The following LRBA variants were observed in gnomAD, a reference collection of about 807,000 sequenced individuals.
The protein encoded by LRBA is lipopolysaccharide-responsive and beige-like anchor protein.
LRBA carries 176 observed loss-of-function variants against 330.0 expected under a neutral mutation model. That is an observed-to-expected ratio of 0.53 (90% CI 0.47 to 0.60). LRBA has a LOEUF of 0.60. LRBA is among the 20% of genes least tolerant of loss of function. The pLI is 0.00. For missense variants in LRBA, 3,259 were observed against 3,444.8 expected, an observed-to-expected ratio of 0.95 and a Z score of 1.35; for synonymous variants, 1,230 against 1,193.0, an observed-to-expected ratio of 1.03 and a Z score of -0.64.
intron 53 of LRBA, among the ~76,000 whole-genome samples, chr4:150,297,954 G>A (rs1020205681): frequency 2.0e-5 from 3 of 152,008 alleles, no homozygotes; most frequent in Non-Finnish European, 4.4e-5. Flanking sequence ...TGACATTTGT[G>A]ACCCTTAAAT....
At chr4:150,634,956 T>G (rs1241202657) in intron 37 of LRBA, among the ~76,000 whole-genome samples, 1 of 152,184 alleles carries the variant, frequency 6.6e-6, no homozygotes, top group Admixed American at 6.5e-5. Context: ...ACAATTGAAG[T>G]TGACCTCTCA....
chr4:150,723,609 A>G (rs1729238326), intron 36 of LRBA, among the ~76,000 whole-genome samples: 1 of 152,216 alleles, frequency 6.6e-6, no homozygotes, highest in South Asian at 2.1e-4. Flanking sequence ...TACTAGCTTC[A>G]GGGGTGACCC....
intron 35 of LRBA, among the ~76,000 whole-genome samples, chr4:150,740,713 T>C (rs963689644): frequency 4.0e-5 from 6 of 151,500 alleles, no homozygotes; most frequent in Admixed American, 2.6e-4. Flanking sequence ...AAGGCTTGTA[T>C]TAAAGATATC....
intron 40 of LRBA, among the ~76,000 whole-genome samples, chr4:150,567,577 A>C (rs764572859): frequency 6.6e-6 from 1 of 152,144 alleles, no homozygotes; most frequent in African/African-American, 2.4e-5. Flanking sequence ...TTCTATACAG[A>C]TAGGGATAAT....
chr4:150,550,849 C>T (rs1766494724), intron 40 of LRBA, among the ~76,000 whole-genome samples: 1 of 152,142 alleles, frequency 6.6e-6, no homozygotes, highest in Admixed American at 6.5e-5. Flanking sequence ...TATATCAGGG[C>T]TTCCTCATAT....
intron 44 of LRBA, among the ~76,000 whole-genome samples, chr4:150,441,341 G>A (rs1314742744): frequency 6.6e-6 from 1 of 151,964 alleles, no homozygotes; most frequent in Admixed American, 6.6e-5. Flanking sequence ...ACTACTTTAA[G>A]AACATAATCA....
intron 37 of LRBA, among the ~76,000 whole-genome samples, chr4:150,610,706 A>G (rs924382707): frequency 6.6e-6 from 1 of 152,214 alleles, no homozygotes; most frequent in African/African-American, 2.4e-5. Flanking sequence ...GAAAATGAGT[A>G]GGCTAGTAAG....
intron 42 of LRBA, among the ~76,000 whole-genome samples, chr4:150,473,999 T>G (rs1042162703): frequency 6.6e-6 from 1 of 152,186 alleles, no homozygotes; most frequent in Non-Finnish European, 1.5e-5. Context: ...ATTTCTCAAT[T>G]TTTTCTTCTG....
At chr4:150,771,353 A>T (rs1736541573) in intron 34 of LRBA, among the ~76,000 whole-genome samples, 1 of 152,186 alleles carries the variant, frequency 6.6e-6, no homozygotes, top group Non-Finnish European at 1.5e-5. Context: ...ATTGCCACCT[A>T]CATTCAGTTC....
intron 37 of LRBA, among the ~76,000 whole-genome samples, chr4:150,671,068 G>C (rs57410129): frequency 3.3e-5 from 5 of 151,188 alleles, no homozygotes; most frequent in African/African-American, 1.2e-4. Context: ...GAGAGACAGA[G>C]AGAGAGATTA....
intron 35 of LRBA, among the ~76,000 whole-genome samples, chr4:150,742,266 C>G (rs1477392211): frequency 6.6e-6 from 1 of 151,576 alleles, no homozygotes; most frequent in East Asian, 1.9e-4. Context: ...CTACCTCAGC[C>G]TGCTGAGTAG....
chr4:150,316,732 G>C (rs1370848061), intron 50 of LRBA, among the ~76,000 whole-genome samples: 1 of 152,184 alleles, frequency 6.6e-6, no homozygotes, highest in Middle Eastern at 3.2e-3. Context: ...TCTTGACACT[G>C]TGGTGAGAAG....
At position 150,768,927 on chromosome 4, in the gene LRBA, CTTTTTTTTTTTTT is replaced by C. The variant is rs70941440; in HGVS notation, c.5581-7093_5581-7081del. On this transcript the variant is annotated intron_variant, in intron 34 of 56. Transcript: ENST00000651943. ...TAGGGATTTTATCAAGTGCTGTCTC[CTTTTTTTTTTTTT>C]TTTTTTTTTTTTTTTGAGACACAGT... is the stretch of plus-strand genomic sequence containing the variant. 5.3e-5 allele frequency among the ~76,000 whole-genome samples: 4 copies of C among 75,064 alleles called. No homozygotes were observed. In the East Asian group the frequency reaches 1.7e-3, roughly 32 times the overall value. The allele number at this position is 75,064 out of a possible 152,430, so 49.2% of individuals were successfully genotyped here.
chr4:150,487,264 TTA>T (rs995250230), intron 42 of LRBA, among the ~76,000 whole-genome samples: 12 of 150,684 alleles, frequency 8.0e-5, no homozygotes, highest in Admixed American at 2.0e-4. Context: ...ATGATATATA[TTA>T]TATATATATG....
chr4:150,769,168 C>T (rs1736198754), intron 34 of LRBA, among the ~76,000 whole-genome samples: 1 of 151,962 alleles, frequency 6.6e-6, no homozygotes, highest in South Asian at 2.1e-4. Context: ...TGGTCTCGAA[C>T]TCCTGACCTC....
At chr4:150,574,543 G>A (rs941622811) in intron 40 of LRBA, among the ~76,000 whole-genome samples, 9 of 151,968 alleles carry the variant, frequency 5.9e-5, no homozygotes, top group Admixed American at 5.9e-4. Context: ...ACCAAGCCAG[G>A]ACAAAAATTT....
intron 34 of LRBA, among the ~76,000 whole-genome samples, chr4:150,777,837 C>A (rs1700555848): frequency 6.6e-6 from 1 of 151,748 alleles, no homozygotes; most frequent in African/African-American, 2.4e-5. Flanking sequence ...ATTAGCTGGG[C>A]ATAGTGCATG....
chr4:150,310,111 A>G (rs1580973917), intron 52 of LRBA, 118 bp downstream of exon 52: 1 of 659,024 alleles, frequency 1.5e-6, no homozygotes. Flanking sequence ...TCTTCTCCCT[A>G]TTTTGTAAAT....
rs560721279 is a variant in LRBA at position 150,796,170 on chromosome 4, A to T, written c.5580+1911T>A. 2.0e-5 allele frequency among the ~76,000 whole-genome samples: 3 copies of T among 152,066 alleles called. No homozygotes were observed. In the East Asian group the frequency reaches 5.8e-4, roughly 29 times the overall value. Reference sequence around the variant, plus strand: ...AAAAATTATCAATCAAACTCAAGCCATCCCCACCCAGGATCTGTAAAATGT... The same window carrying T: ...AAAAATTATCAATCAAACTCAAGCCTTCCCCACCCAGGATCTGTAAAATGT... On this transcript the variant is annotated intron_variant, in intron 34 of 56. Coordinates refer to ENST00000651943, the MANE Select transcript of LRBA (RefSeq NM_001364905.1).
Sources: allele counts gnomAD v4.1 joint callset (sites outside exome capture counted in the v4.1 genomes callset), GRCh38; gene constraint gnomAD v4.1.1; transcripts MANE v1.5; gene names NCBI Gene and HGNC (gene_info 2026-07-23, HGNC 2026-07-21).